NDEL1: variants seen among roughly 807,000 people sequenced by gnomAD.
The protein encoded by NDEL1 is nuclear distribution protein nudE-like 1.
NDEL1 carries 9 observed loss-of-function variants against 45.7 expected under a neutral mutation model. The observed-to-expected ratio is 0.20, with a 90% CI of 0.12 to 0.34. NDEL1 has a LOEUF of 0.34. Among genes scored for constraint, NDEL1 ranks in the 10% least tolerant of loss-of-function variants. The probability of loss-of-function intolerance (pLI) is 1.00; values close to 1 mark genes in which losing one functional copy is unlikely to be tolerated. For synonymous variants in NDEL1, 133 were observed against 158.6 expected, an observed-to-expected ratio of 0.84 and a Z score of 1.21; for missense variants, 306 against 406.2, an observed-to-expected ratio of 0.75 and a Z score of 2.12.
At chr17:8,415,306 G>C (rs965251833) in intron 1 of NDEL1, among the ~76,000 whole-genome samples, 1 of 151,778 alleles carries the variant, frequency 6.6e-6, no homozygotes, top group Admixed American at 6.6e-5. Flanking sequence ...AGCCTGCCAA[G>C]TAGCTGGGGC....
At chr17:8,452,930 G>A (rs1399831105) in intron 6 of NDEL1, among the ~76,000 whole-genome samples, 1 of 151,420 alleles carries the variant, frequency 6.6e-6, no homozygotes, top group Admixed American at 6.6e-5. Flanking sequence ...GTAGAAATGG[G>A]GTTTCACCAT....
upstream of NDEL1, among the ~76,000 whole-genome samples, chr17:8,433,015 GACT>G (rs1909055826): frequency 6.6e-6 from 1 of 151,762 alleles, no homozygotes; most frequent in African/African-American, 2.4e-5. Flanking sequence ...GCTTTGACTG[GACT>G]ACTTCCATCT....
chr17:8,414,929 AT>A (rs1908508884), intron 1 of NDEL1, among the ~76,000 whole-genome samples: 2 of 152,102 alleles, frequency 1.3e-5, no homozygotes, highest in South Asian at 4.1e-4. Context: ...TATCTATTAG[AT>A]TATCTCTCAG....
intron 7 of NDEL1, among the ~76,000 whole-genome samples, chr17:8,455,495 C>T (rs1910777428): frequency 6.6e-6 from 1 of 152,082 alleles, no homozygotes. Context: ...CAAGACCAGC[C>T]TGGCCAACAT....
At chr17:8,430,462 T>C (rs556800563) in intron 1 of NDEL1, among the ~76,000 whole-genome samples, 3 of 152,290 alleles carry the variant, frequency 2.0e-5, no homozygotes, top group Admixed American at 6.5e-5. Context: ...GTGGCCGAAG[T>C]CCAGCATCTT....
intron 7 of NDEL1, among the ~76,000 whole-genome samples, chr17:8,455,222 T>G (rs1226580111): frequency 6.6e-6 from 1 of 152,234 alleles, no homozygotes; most frequent in African/African-American, 2.4e-5. Flanking sequence ...TCTTTGCTGC[T>G]GTCTACCGTC....
At chr17:8,442,072 G>T (rs1348206341) in intron 1 of NDEL1, among the ~76,000 whole-genome samples, 1 of 152,014 alleles carries the variant, frequency 6.6e-6, no homozygotes, top group East Asian at 1.9e-4. Flanking sequence ...ATATTTCAGG[G>T]CCGGATAATG....
chr17:8,438,939 C>CTT (rs374840633), intron 1 of NDEL1, among the ~76,000 whole-genome samples: 40 of 135,932 alleles, frequency 2.9e-4, no homozygotes, highest in African/African-American at 9.7e-4. Flanking sequence ...TTGCTTTGTT[C>CTT]TTTTTTTTTT....
rs979032411 is a variant in NDEL1 at position 8,446,671 on chromosome 17, C to CA, written c.241-83_241-82insA. ...TGTGGGTAAATTCCTTGGGTTCCCC[C>CA]CCACCCTTTTAACTTGAGTTACCTC... On this transcript the variant is annotated intron_variant, in intron 3 of 8. Coordinates refer to ENST00000334527, the MANE Select transcript of NDEL1 (RefSeq NM_030808.5). 13 of 1,471,706 alleles carry CA rather than the reference C, an allele frequency of 8.8e-6. No homozygotes were observed. The East Asian group carries it at 2.7e-4, about 31-fold the overall frequency. The allele number at this position is 1,471,706 out of a possible 1,614,324, so 91.2% of individuals were successfully genotyped here.
intron 7 of NDEL1, among the ~76,000 whole-genome samples, chr17:8,459,527 T>C (rs1369580313): frequency 6.6e-6 from 1 of 152,186 alleles, no homozygotes; most frequent in Non-Finnish European, 1.5e-5. Context: ...GTTGTAAATG[T>C]TCTCATCCAT....
chr17:8,418,646 T>TTCCTTCC (rs1567718653), intron 1 of NDEL1, among the ~76,000 whole-genome samples: 1 of 151,362 alleles, frequency 6.6e-6, no homozygotes, highest in African/African-American at 2.4e-5. Flanking sequence ...TCCTTCCTTC[T>TTCCTTCC]TTCCTTCCTT....
At chr17:8,439,162 A>G (rs1039046850) in intron 1 of NDEL1, among the ~76,000 whole-genome samples, 4 of 151,286 alleles carry the variant, frequency 2.6e-5, no homozygotes, top group African/African-American at 9.7e-5. Context: ...GGATAGTCTC[A>G]ATCTCCTGAC....
chr17:8,467,333 AC>A lies in NDEL1; in HGVS notation c.*312del, dbSNP rs1477865032. On this transcript the variant is annotated 3_prime_UTR_variant, in exon 9 of 9. Coordinates refer to ENST00000334527, the MANE Select transcript of NDEL1 (RefSeq NM_030808.5). The surrounding 1 kb of genome is among the most constrained non-coding windows in gnomAD (Gnocchi z 6.3). ...GGATGCAGAAGTACCCATTCATCAC[AC>A]CTGCCCCATAGCCCCCACTCTGCTG... 1.8e-6 allele frequency: 1 copy of A among 542,664 alleles called. No homozygotes were observed. Among genetic ancestry groups the A allele is most frequent in the Non-Finnish European group, 3.2e-6 (1 of 308,550 alleles). 33.6% of individuals were successfully genotyped at this position (542,664 alleles called of 1,614,324 possible).
rs147468326 is a variant in NDEL1 at position 8,454,833 on chromosome 17, C to T, written c.738C>T (p.Pro246=). 14 of 1,613,902 alleles carry T rather than the reference C, an allele frequency of 8.7e-6. No homozygotes were observed. In the African/African-American group the frequency reaches 1.5e-4, roughly 17 times the overall value. ...GTTTTGGTACCAGTCCACTAACTCC[C>T]TCTGCTAGGATATCAGCACTAAACA... ...PNGFGTSPLT[P]SARISALNIV... Residue 246 remains proline (P), a synonymous_variant, in exon 7 of 9, where the codon CCC becomes CCT. Coordinates refer to ENST00000334527, the MANE Select transcript of NDEL1 (RefSeq NM_030808.5).
intron 6 of NDEL1, among the ~76,000 whole-genome samples, chr17:8,452,736 T>TCC (rs1555561071): frequency 3.2e-5 from 2 of 61,762 alleles, no homozygotes; most frequent in African/African-American, 9.8e-5. Context: ...TTTCTTTTTC[T>TCC]TCTCTTTTTT....
chr17:8,443,306 G>T (rs1277611916), intron 1 of NDEL1, among the ~76,000 whole-genome samples: 1 of 152,308 alleles, frequency 6.6e-6, no homozygotes, highest in South Asian at 2.1e-4. Flanking sequence ...TACAGAGGTA[G>T]CAAAGAATGC....
chr17:8,455,745 T>C (rs1231727695), intron 7 of NDEL1, among the ~76,000 whole-genome samples: 1 of 152,228 alleles, frequency 6.6e-6, no homozygotes, highest in African/African-American at 2.4e-5. Context: ...AGTGTGTTAC[T>C]GTGTACCATA....
chr17:8,439,535 T>G (rs1232519897), intron 1 of NDEL1, among the ~76,000 whole-genome samples: 1 of 152,072 alleles, frequency 6.6e-6, no homozygotes, highest in Non-Finnish European at 1.5e-5. Flanking sequence ...ATTATAGGCA[T>G]GAGCCACCGC....
upstream of NDEL1, among the ~76,000 whole-genome samples, chr17:8,433,779 G>A (rs1663237415): frequency 6.6e-6 from 1 of 152,088 alleles, no homozygotes; most frequent in Non-Finnish European, 1.5e-5. Flanking sequence ...GCTTCCCAGA[G>A]TGCTGGGATT....
Sources: allele counts gnomAD v4.1 joint callset (sites outside exome capture counted in the v4.1 genomes callset), GRCh38; gene constraint gnomAD v4.1.1; non-coding constraint Gnocchi (gnomAD v3.1); transcripts MANE v1.5; gene names NCBI Gene and HGNC (gene_info 2026-07-23, HGNC 2026-07-21).